ARHGAP24: variants seen among roughly 807,000 people sequenced by gnomAD.
ARHGAP24 encodes the protein rho GTPase-activating protein 24.
A neutral mutation model predicts 76.4 loss-of-function variants in ARHGAP24; 50 were observed. That is an observed-to-expected ratio of 0.65 (90% CI 0.52 to 0.83). ARHGAP24 has a LOEUF of 0.83. Ranked by LOEUF, ARHGAP24 falls within the 40% of genes least tolerant of loss-of-function variation. The probability of loss-of-function intolerance (pLI) is 0.00; values close to 1 mark genes in which losing one functional copy is unlikely to be tolerated. For missense variants in ARHGAP24, 930 were observed against 914.2 expected (o/e 1.02, Z -0.22); for synonymous variants, 345 against 323.3 (o/e 1.07, Z -0.72).
intron 1 of ARHGAP24, among the ~76,000 whole-genome samples, chr4:85,536,497 A>G (rs749693433): frequency 1.3e-4 from 20 of 152,122 alleles, no homozygotes; most frequent in Non-Finnish European, 2.8e-4. Context: ...GTCTTTTCCA[A>G]AAAAGTTATA....
At chr4:85,607,561 C>T (rs965795051) in intron 2 of ARHGAP24, among the ~76,000 whole-genome samples, 3 of 151,934 alleles carry the variant, frequency 2.0e-5, no homozygotes, top group Non-Finnish European at 4.4e-5. Context: ...TTGAATCTGT[C>T]CCAGATATTT....
intron 1 of ARHGAP24, among the ~76,000 whole-genome samples, chr4:85,565,730 G>A (rs1203722642): frequency 6.6e-6 from 1 of 152,132 alleles, no homozygotes; most frequent in Admixed American, 6.5e-5. Flanking sequence ...AACATGTATA[G>A]TAAGGTATTG....
chr4:85,692,503 CA>C (rs1483106538), intron 2 of ARHGAP24, among the ~76,000 whole-genome samples: 1 of 152,136 alleles, frequency 6.6e-6, no homozygotes, highest in Non-Finnish European at 1.5e-5. Context: ...TCCATATTTC[CA>C]GAAGTTTTGT....
At chr4:85,911,668 A>G (rs1735093210) in intron 3 of ARHGAP24, among the ~76,000 whole-genome samples, 1 of 152,180 alleles carries the variant, frequency 6.6e-6, no homozygotes. Context: ...GGTGGAAAGG[A>G]GTTCCTGAAA....
chr4:85,552,800 T>C (rs1025382812), intron 1 of ARHGAP24, among the ~76,000 whole-genome samples: 2 of 152,236 alleles, frequency 1.3e-5, no homozygotes, highest in African/African-American at 2.4e-5. Context: ...AAAAAATCTT[T>C]TTTGGTTTAA....
chr4:85,565,702 A>G (rs1184034934), intron 1 of ARHGAP24, among the ~76,000 whole-genome samples: 1 of 152,048 alleles, frequency 6.6e-6, no homozygotes, highest in Non-Finnish European at 1.5e-5. Context: ...CTACTATTTC[A>G]TTCTCTCATG....
chr4:85,790,734 C>T (rs1325804476), intron 3 of ARHGAP24, among the ~76,000 whole-genome samples: 1 of 152,142 alleles, frequency 6.6e-6, no homozygotes, highest in Non-Finnish European at 1.5e-5. Context: ...TGAGTGGGCT[C>T]AAGTTTGATG....
intron 3 of ARHGAP24, among the ~76,000 whole-genome samples, chr4:85,849,352 G>A (rs1168990015): frequency 2.6e-5 from 4 of 151,760 alleles, no homozygotes; most frequent in African/African-American, 9.7e-5. Flanking sequence ...TTTGGGCTGA[G>A]ACGATGGGTT....
chr4:85,705,699 C>T (rs759429940), intron 2 of ARHGAP24, among the ~76,000 whole-genome samples: 6 of 152,206 alleles, frequency 3.9e-5, no homozygotes, highest in Non-Finnish European at 8.8e-5. Context: ...GAGAGAAGGT[C>T]AGGAACTTGC....
chr4:85,512,817 G>A (rs950055173), intron 1 of ARHGAP24, among the ~76,000 whole-genome samples: 1 of 152,194 alleles, frequency 6.6e-6, no homozygotes, highest in Non-Finnish European at 1.5e-5. Flanking sequence ...AGAAATGGAG[G>A]CAGAGAAAGG....
At chr4:85,677,778 T>C (rs1723036373) in intron 2 of ARHGAP24, among the ~76,000 whole-genome samples, 1 of 152,232 alleles carries the variant, frequency 6.6e-6, no homozygotes, top group African/African-American at 2.4e-5. Context: ...TTCCATTTTG[T>C]AGGCTCTTGT....
chr4:85,529,246 C>T (rs1305777392), intron 1 of ARHGAP24, among the ~76,000 whole-genome samples: 50 of 151,976 alleles, frequency 3.3e-4, no homozygotes, highest in Non-Finnish European at 7.4e-5. Flanking sequence ...CAAATTATAG[C>T]TTTTGACAAG....
At chr4:85,606,309 C>G (rs568664258) in intron 2 of ARHGAP24, among the ~76,000 whole-genome samples, 2 of 152,092 alleles carry the variant, frequency 1.3e-5, no homozygotes, top group South Asian at 4.1e-4. Flanking sequence ...GTCATGAGAT[C>G]GAGACCATCC....
intron 3 of ARHGAP24, among the ~76,000 whole-genome samples, chr4:85,875,916 T>A (rs1732908499): frequency 6.6e-6 from 1 of 151,582 alleles, no homozygotes; most frequent in Non-Finnish European, 1.5e-5. Flanking sequence ...CTAATTTTTT[T>A]ATTTTTAGTA....
chr4:85,484,578 A>AC (rs962382522), intron 1 of ARHGAP24, among the ~76,000 whole-genome samples: 3 of 151,674 alleles, frequency 2.0e-5, no homozygotes, highest in African/African-American at 7.3e-5. Context: ...TATTTTATTC[A>AC]CCCCCCTTTG....
chr4:85,996,912 A>G (rs1444995607), intron 9 of ARHGAP24, among the ~76,000 whole-genome samples: 2 of 152,218 alleles, frequency 1.3e-5, no homozygotes, highest in Non-Finnish European at 2.9e-5. Flanking sequence ...GAAAAAGAAA[A>G]AAGTTATCAC....
At chr4:86,000,080 C>CCT (rs1553952760) in intron 9 of ARHGAP24, 5 of 143,350 alleles carry the variant, frequency 3.5e-5, no homozygotes, top group Admixed American at 3.4e-4. Flanking sequence ...TTATTGCCCT[C>CCT]TTTTTTTTTT....
At chr4:85,653,789 C>T (rs1291557524) in intron 2 of ARHGAP24, among the ~76,000 whole-genome samples, 1 of 152,082 alleles carries the variant, frequency 6.6e-6, no homozygotes, top group African/African-American at 2.4e-5. Flanking sequence ...ATTAAGAATT[C>T]AGTTCTCCAG....
At chr4:85,629,588 C>T (rs935652651) in intron 2 of ARHGAP24, among the ~76,000 whole-genome samples, 1 of 152,084 alleles carries the variant, frequency 6.6e-6, no homozygotes, top group Non-Finnish European at 1.5e-5. Flanking sequence ...TATATCTCTC[C>T]TTTGTTTCTG....
Sources: gnomAD v4.1 joint callset for allele counts (sites outside exome capture counted in the v4.1 genomes callset) on GRCh38, gnomAD v4.1.1 for gene constraint, MANE v1.5 for transcripts, NCBI Gene and HGNC (gene_info 2026-07-23, HGNC 2026-07-21) for gene names.